MYBPC3: variants seen among roughly 807,000 people sequenced by gnomAD.
The protein encoded by MYBPC3 is myosin binding protein C3.
Under a neutral mutation model 159.3 loss-of-function variants are expected in MYBPC3, and 108 were observed. The observed-to-expected ratio is 0.68, with a 90% CI of 0.58 to 0.80. The LOEUF is 0.80. Among genes scored for constraint, MYBPC3 ranks in the 30% least tolerant of loss-of-function variants. The pLI is 0.00. For missense variants in MYBPC3, 1,631 were observed against 1,762.1 expected, an observed-to-expected ratio of 0.93 and a Z score of 1.33; for synonymous variants, 730 against 702.0, an observed-to-expected ratio of 1.04 and a Z score of -0.63.
At position 47,341,734 on chromosome 11, in the gene MYBPC3, G is replaced by A. The variant is rs10838696; in HGVS notation, c.1790+257C>T. On this transcript the variant is annotated intron_variant, in intron 18 of 34. Coordinates refer to ENST00000545968, the MANE Select transcript of MYBPC3 (RefSeq NM_000256.3). ...CCCTCTGTTCTTCTCTGTCTCTGACGAACTCTCCTATGTGTGTGCCTCCCT... is the reference window on the plus strand; with the variant it reads ...CCCTCTGTTCTTCTCTGTCTCTGACAAACTCTCCTATGTGTGTGCCTCCCT... Among the ~76,000 whole-genome samples, 37,256 of 152,136 alleles carry A rather than the reference G, an allele frequency of 0.24. 5,860 individuals carry two copies. The highest frequency in any genetic ancestry group is 0.36 in the Non-Finnish European group (24,338 of 67,966).
At chr11:47,345,158 G>A (rs1433681737) in intron 12 of MYBPC3, among the ~76,000 whole-genome samples, 1 of 152,200 alleles carries the variant, frequency 6.6e-6, no homozygotes, top group Non-Finnish European at 1.5e-5. Flanking sequence ...GTCCCCATCT[G>A]CCTTGCCAGC....
rs920640564 is a variant in MYBPC3, at chr11:47,340,277, GCA to G, written c.1928-489_1928-488del. 1.3e-4 allele frequency among the ~76,000 whole-genome samples: 19 copies of G among 151,284 alleles called. 1 individual carries two copies. Among genetic ancestry groups the G allele is most frequent in the South Asian group, 4.2e-4 (2 of 4,790 alleles). ...TATATACATACACACACAGACACAT[GCA>G]CACACACACACGCGCGCACACATGC... On this transcript the variant is annotated intron_variant, in intron 20 of 34. Transcript: ENST00000545968.
At position 47,338,708 on chromosome 11, in the gene MYBPC3, C is replaced by T; in HGVS notation, c.2149-29G>A. ...GGGGGGTGCAGAGTTGGGGTGAGAT[C>T]CAAGTCAGACCCCAGAGGCCCTTGC... is the stretch of plus-strand genomic sequence containing the variant. On this transcript the variant is annotated intron_variant, in intron 22 of 34. Coordinates refer to ENST00000545968, the MANE Select transcript of MYBPC3 (RefSeq NM_000256.3). The surrounding 1 kb of genome is among the most constrained non-coding windows in gnomAD (Gnocchi z 4.7). 6.3e-7 allele frequency: 1 copy of T among 1,583,942 alleles called. No homozygotes were observed. Among genetic ancestry groups the T allele is most frequent in the Non-Finnish European group, 8.6e-7 (1 of 1,164,536 alleles).
chr11:47,332,426 G>T lies in MYBPC3; in HGVS notation c.3627+140C>A. On this transcript the variant is annotated intron_variant, in intron 32 of 34. Transcript: ENST00000545968. This position sits in a 1 kb window ranked among gnomAD's most constrained non-coding sequence, Gnocchi z 4.2. ...AACCAAGAGTGAGTACCATGGCCCT[G>T]CCCAGGGGGAGGAACCCGGTCCATA... is the stretch of plus-strand genomic sequence containing the variant. 2 of 1,432,536 alleles carry T rather than the reference G, an allele frequency of 1.4e-6. No individual in the cohort carries two copies. Among genetic ancestry groups the T allele is most frequent in the Non-Finnish European group, 1.9e-6 (2 of 1,055,288 alleles). 88.7% of individuals were successfully genotyped at this position (1,432,536 alleles called of 1,614,324 possible). A position where few individuals can be genotyped will look rare whatever the true frequency, so the allele number is the denominator to read the frequency against.
intron 20 of MYBPC3, 77 bp from the exon 21 acceptor site, chr11:47,339,867 G>C (rs1228182481): frequency 1.3e-6 from 2 of 1,500,196 alleles, no homozygotes; most frequent in Non-Finnish European, 1.8e-6. Flanking sequence ...GGCTGCTCAA[G>C]AGCCTGGGCC....
At chr11:47,350,316 G>T (rs921271599) in intron 3 of MYBPC3, among the ~76,000 whole-genome samples, 186 bp downstream of exon 3, 4 of 152,146 alleles carry the variant, frequency 2.6e-5, no homozygotes, top group African/African-American at 9.7e-5. Flanking sequence ...TAGTAGAGAT[G>T]GGGTTTCATC....
At chr11:47,336,639 C>T (rs576989710) in intron 25 of MYBPC3, among the ~76,000 whole-genome samples, 1 of 152,316 alleles carries the variant, frequency 6.6e-6, no homozygotes, top group Admixed American at 6.5e-5. Flanking sequence ...TCCCCACAGG[C>T]CCCGATTCCT....
chr11:47,352,191 C>T (rs1002606057), intron 1 of MYBPC3, among the ~76,000 whole-genome samples: 3 of 152,154 alleles, frequency 2.0e-5, no homozygotes, highest in Non-Finnish European at 4.4e-5. Context: ...CCACCACCCC[C>T]GGCACCCCAG....
rs931056266 is a variant in MYBPC3, at chr11:47,351,111, G to A, written c.292+128C>T. Reference sequence around the variant, plus strand: ...AAAAGGGGGAAAGGGCGTTCCTGGCGGGGGGCACAGCCACAGCAAAGGCAA... The same window carrying A: ...AAAAGGGGGAAAGGGCGTTCCTGGCAGGGGGCACAGCCACAGCAAAGGCAA... On this transcript the variant is annotated intron_variant, in intron 2 of 34. Coordinates refer to ENST00000545968, the MANE Select transcript of MYBPC3 (RefSeq NM_000256.3). This position sits in a 1 kb window ranked among gnomAD's most constrained non-coding sequence, Gnocchi z 4.2. 12 of 1,216,454 alleles carry A rather than the reference G, an allele frequency of 9.9e-6. No individual in the cohort carries two copies. The highest frequency in any genetic ancestry group is 2.9e-5 in the Admixed American group (1 of 33,970). The allele number at this position is 1,216,454 out of a possible 1,614,324, so 75.4% of individuals were successfully genotyped here.
Position 47,332,021 on chromosome 11 carries a change from C to G in MYBPC3, c.3814+51G>C. On this transcript the variant is annotated intron_variant, in intron 33 of 34. Coordinates refer to ENST00000545968, the MANE Select transcript of MYBPC3 (RefSeq NM_000256.3). This position sits in a 1 kb window ranked among gnomAD's most constrained non-coding sequence, Gnocchi z 4.2. Reference sequence around the variant, plus strand: ...AACGGAGCAAAGCCCAGGGTCCCCACTGCCGCCCGCTCTTCCCATCTCCCA... The same window carrying G: ...AACGGAGCAAAGCCCAGGGTCCCCAGTGCCGCCCGCTCTTCCCATCTCCCA... The G allele has an allele frequency of 6.3e-7, 1 of 1,598,894 alleles. No homozygotes were observed. Among genetic ancestry groups the G allele is most frequent in the Non-Finnish European group, 8.5e-7 (1 of 1,171,810 alleles).
chr11:47,340,916 T>C, intron 20 of MYBPC3, 87 bp downstream of exon 20: 1 of 1,389,066 alleles, frequency 7.2e-7, no homozygotes, highest in Admixed American at 3.0e-5. Flanking sequence ...TGATCCTTGC[T>C]CTTCCCTCTG....
chr11:47,335,272 T>G, intron 26 of MYBPC3, 63 bp from the exon 27 acceptor site: 3 of 1,290,264 alleles, frequency 2.3e-6, no homozygotes, highest in Non-Finnish European at 3.1e-6. Context: ...CCACTCCCAC[T>G]GCCCACTCCT....
At chr11:47,348,018 A>G (rs2095896197) in intron 6 of MYBPC3, 113 bp from the exon 7 acceptor site, 1 of 1,059,956 alleles carries the variant, frequency 9.4e-7, no homozygotes, top group South Asian at 1.4e-5. Context: ...TCATGACCCC[A>G]TGAGGCTGGG....
chr11:47,332,848 G>A lies in MYBPC3; in HGVS notation c.3456C>T (p.Ala1152=), dbSNP rs1595841226. Reference sequence around the variant, plus strand: ...GGATAAAGACGGGCTCCTTGGTGGTGGCCGCTCTGTCACTAAAGCCAACCA... The same window carrying A: ...GGATAAAGACGGGCTCCTTGGTGGTAGCCGCTCTGTCACTAAAGCCAACCA... The part of the protein sequence containing the change: ...QNMVGFSDRA[A]TTKEPVFIPR... Residue 1152 remains alanine (A), a synonymous_variant, in exon 31 of 35, where the codon GCC becomes GCT. Coordinates refer to ENST00000545968, the MANE Select transcript of MYBPC3 (RefSeq NM_000256.3). This position sits in a 1 kb window ranked among gnomAD's most constrained non-coding sequence, Gnocchi z 4.2. The A allele has an allele frequency of 1.2e-6, 2 of 1,607,182 alleles. No individual in the cohort carries two copies. The highest frequency in any genetic ancestry group is 1.7e-5 in the Admixed American group (1 of 58,926).
At chr11:47,335,786 C>A in intron 26 of MYBPC3, 91 bp downstream of exon 26, 1 of 1,181,626 alleles carries the variant, frequency 8.5e-7, no homozygotes, top group Non-Finnish European at 1.1e-6. Context: ...CAAAAGTGGG[C>A]CTAAAAAACT....
chr11:47,335,242 G>A (rs1404838261), intron 26 of MYBPC3, 33 bp from the exon 27 acceptor site: 1 of 1,533,282 alleles, frequency 6.5e-7, no homozygotes. Context: ...AAGGCCACAG[G>A]CTGTGTCACC....
rs749592269 is a variant in MYBPC3, at chr11:47,343,189, C to T, written c.1227-44G>A. The T allele has an allele frequency of 9.4e-6, 15 of 1,596,588 alleles. No homozygotes were observed. In the South Asian group the frequency reaches 1.6e-4, roughly 17 times the overall value. Reference sequence around the variant, plus strand: ...GAAGTGGCAGGAAAGCTGCGGACACCCCTCCGGGCCCAGTGCGCCCCATGA... The same window carrying T: ...GAAGTGGCAGGAAAGCTGCGGACACTCCTCCGGGCCCAGTGCGCCCCATGA... On this transcript the variant is annotated intron_variant, in intron 14 of 34. Transcript: ENST00000545968.
chr11:47,332,849 G>A lies in MYBPC3; in HGVS notation c.3455C>T (p.Ala1152Val), dbSNP rs1319448449. The A allele has an allele frequency of 6.2e-7, 1 of 1,607,290 alleles. No individual in the cohort carries two copies. The highest frequency in any genetic ancestry group is 1.3e-5 in the African/African-American group (1 of 74,950). ...GATAAAGACGGGCTCCTTGGTGGTGGCCGCTCTGTCACTAAAGCCAACCAT... is the reference window on the plus strand; with the variant it reads ...GATAAAGACGGGCTCCTTGGTGGTGACCGCTCTGTCACTAAAGCCAACCAT... ...QNMVGFSDRA[A>V]TTKEPVFIPR... Residue 1152 changes from alanine to valine, a missense_variant, in exon 31 of 35, where the codon GCC becomes GTC. By Grantham distance (64) the Ala-to-Val change is moderately conservative. Transcript: ENST00000545968. The surrounding 1 kb of genome is among the most constrained non-coding windows in gnomAD (Gnocchi z 4.2).
At chr11:47,349,949 G>C (rs760048205) in intron 4 of MYBPC3, 27 bp from the exon 5 acceptor site, 1 of 1,577,154 alleles carries the variant, frequency 6.3e-7, no homozygotes, top group African/African-American at 1.4e-5. Flanking sequence ...GACAGGCCCG[G>C]CTTGGGGAGT....
Sources: gnomAD v4.1 joint callset for allele counts (sites outside exome capture counted in the v4.1 genomes callset) on GRCh38, gnomAD v4.1.1 for gene constraint, Gnocchi (gnomAD v3.1) non-coding constraint, MANE v1.5 for transcripts, NCBI Gene and HGNC (gene_info 2026-07-23, HGNC 2026-07-21) for gene names.